The following HTR6 variants were observed in gnomAD, a reference collection of about 807,000 sequenced individuals.
The protein encoded by HTR6 is 5-hydroxytryptamine receptor 6.
HTR6 carries 15 observed loss-of-function variants against 17.4 expected under a neutral mutation model. The ratio of observed to expected loss-of-function variants is 0.86; its 90% CI spans 0.58 to 1.33. HTR6 has a LOEUF of 1.33. Among genes scored for constraint, HTR6 ranks in the 40% most tolerant of loss-of-function variants. HTR6 has a pLI of 0.00. For synonymous variants in HTR6, 326 were observed against 295.5 expected, an observed-to-expected ratio of 1.10 and a Z score of -1.06; for missense variants, 578 against 616.0, an observed-to-expected ratio of 0.94 and a Z score of 0.65.
In HTR6 at chr1:19,666,359, T is replaced by C; in HGVS notation, c.606T>C (p.Gly202=). The C allele has an allele frequency of 6.2e-7, 1 of 1,613,772 alleles. No homozygotes were observed. Among genetic ancestry groups the C allele is most frequent in the East Asian group, 2.2e-5 (1 of 44,836 alleles). The change falls in exon 1 of 3, where the codon GGT becomes GGC. Residue 202 remains glycine, a synonymous_variant. Transcript: ENST00000289753. This position sits in a 1 kb window ranked among gnomAD's most constrained non-coding sequence, Gnocchi z 4.5. ...ASGLTFFLPS[G]AICFTYCRIL... The stretch of plus-strand genomic sequence containing the variant: ...GCCTCACCTTCTTCCTGCCCTCGGG[T>C]GCCATATGCTTCACCTACTGCAGGA...
intron 1 of HTR6, among the ~76,000 whole-genome samples, chr1:19,676,011 C>T (rs1451415830): frequency 3.3e-5 from 5 of 152,180 alleles, no homozygotes; most frequent in African/African-American, 9.6e-5. Flanking sequence ...CTAGTCATAG[C>T]ATCTGAGCCG....
chr1:19,679,336 C>A lies in HTR6; in HGVS notation c.1291C>A (p.Arg431=), dbSNP rs551569410. ...CATCGACCCCGCGGAGCCCGAGCTG[C>A]GGCCGCATCCACTTGGCATCCCCAC... ...FNIDPAEPEL[R]PHPLGIPTN Residue 431 remains arginine, a synonymous_variant, in exon 3 of 3, where the codon CGG becomes AGG. Coordinates refer to ENST00000289753, the MANE Select transcript of HTR6 (RefSeq NM_000871.3). The surrounding 1 kb of genome is among the most constrained non-coding windows in gnomAD (Gnocchi z 4.9). 6.3e-7 allele frequency: 1 copy of A among 1,598,622 alleles called. No individual in the cohort carries two copies. Among genetic ancestry groups the A allele is most frequent in the South Asian group, 1.1e-5 (1 of 89,958 alleles).
rs986602932 is a variant in HTR6 at position 19,665,466 on chromosome 1, C to T, written c.-288C>T. ...TTCCCGCCGCTTCCTTCAGGGGCCT[C>T]GGCTCATCGGGTGCCCCTCCCCAAA... On this transcript the variant is annotated 5_prime_UTR_variant, in exon 1 of 3. Transcript: ENST00000289753. The surrounding 1 kb of genome is among the most constrained non-coding windows in gnomAD (Gnocchi z 4.2). 2 of 363,068 alleles carry T rather than the reference C, an allele frequency of 5.5e-6. No homozygotes were observed. 22.5% of individuals were successfully genotyped at this position (363,068 alleles called of 1,614,324 possible).
rs1445565241 is a variant in HTR6 at position 19,665,125 on chromosome 1, G to A, written c.-629G>A. On this transcript the variant is annotated 5_prime_UTR_variant, in exon 1 of 3. Coordinates refer to ENST00000289753, the MANE Select transcript of HTR6 (RefSeq NM_000871.3). This position sits in a 1 kb window ranked among gnomAD's most constrained non-coding sequence, Gnocchi z 4.2. ...CTGCCCTCCTCTTCCCGCGGGGCCTGGCGGCCCCGGCGAACCCCCGCGCCG... is the reference window on the plus strand; with the variant it reads ...CTGCCCTCCTCTTCCCGCGGGGCCTAGCGGCCCCGGCGAACCCCCGCGCCG... Among the ~76,000 whole-genome samples the A allele has an allele frequency of 6.6e-6, 1 of 151,664 alleles. No individual in the cohort carries two copies. Among genetic ancestry groups the A allele is most frequent in the Non-Finnish European group, 1.5e-5 (1 of 67,800 alleles).
intron 1 of HTR6, among the ~76,000 whole-genome samples, chr1:19,667,413 G>T (rs989548840): frequency 1.1e-4 from 16 of 150,754 alleles, no homozygotes; most frequent in East Asian, 3.9e-4. Context: ...TTTTTTTTTT[G>T]TTTTTGTTTT....
rs1033841027 is a variant in HTR6 at position 19,666,910 on chromosome 1, G to T, written c.714+443G>T. Among the ~76,000 whole-genome samples, 2 of 151,748 alleles carry T rather than the reference G, an allele frequency of 1.3e-5. No homozygotes were observed. The highest frequency in any genetic ancestry group is 4.2e-4 in the South Asian group (2 of 4,782). On this transcript the variant is annotated intron_variant, in intron 1 of 2. Coordinates refer to ENST00000289753, the MANE Select transcript of HTR6 (RefSeq NM_000871.3). The surrounding 1 kb of genome is among the most constrained non-coding windows in gnomAD (Gnocchi z 4.5). ...GGGGAGGCTGTGTAGACTTCTCCTGGCTCCCCTGCTTCTGCCGCAGACCCA... is the reference window on the plus strand; with the variant it reads ...GGGGAGGCTGTGTAGACTTCTCCTGTCTCCCCTGCTTCTGCCGCAGACCCA...
At chr1:19,670,046 G>A (rs1416414530) in intron 1 of HTR6, among the ~76,000 whole-genome samples, 2 of 152,074 alleles carry the variant, frequency 1.3e-5, no homozygotes, top group Non-Finnish European at 2.9e-5. Context: ...GCAGCCTTGT[G>A]TCTCACATCA....
rs745947620 is a variant in HTR6, at chr1:19,678,605, C to T, written c.753C>T (p.Asp251=). 7.4e-6 allele frequency: 12 copies of T among 1,612,986 alleles called. No individual in the cohort carries two copies. In the East Asian group the frequency reaches 2.7e-4, roughly 36 times the overall value. ...RTPRPGVESA[D]SRRLATKHSR... ...CACGCCCAGGGGTGGAGTCTGCTGA[C>T]AGCAGGCGTCTAGCCACGAAGCACA... The change falls in exon 2 of 3, where the codon GAC becomes GAT. Residue 251 remains aspartate (D), a synonymous_variant. Transcript: ENST00000289753.
intron 1 of HTR6, among the ~76,000 whole-genome samples, chr1:19,670,351 T>C (rs2095086623): frequency 6.6e-6 from 1 of 152,000 alleles, no homozygotes; most frequent in Non-Finnish European, 1.5e-5. Flanking sequence ...GTTATTTCTC[T>C]CAGCAGCACC....
chr1:19,666,464 G>A lies in HTR6; in HGVS notation c.711G>A (p.Leu237=), dbSNP rs1309670001. 2 of 1,604,172 alleles carry A rather than the reference G, an allele frequency of 1.2e-6. No homozygotes were observed. Among genetic ancestry groups the A allele is most frequent in the East Asian group, 2.2e-5 (1 of 44,710 alleles). The part of the protein sequence containing the change: ...TGMASQASET[L]QVPRTPRPGV... ...TGGCCAGTCAGGCCTCGGAGACGCTGCAGGTACCTGGGGTGCGCAGGGAGA... is the reference window on the plus strand; with the variant it reads ...TGGCCAGTCAGGCCTCGGAGACGCTACAGGTACCTGGGGTGCGCAGGGAGA... The change falls in exon 1 of 3, where the codon CTG becomes CTA. Residue 237 remains leucine, a synonymous_variant. Coordinates refer to ENST00000289753, the MANE Select transcript of HTR6 (RefSeq NM_000871.3). This position sits in a 1 kb window ranked among gnomAD's most constrained non-coding sequence, Gnocchi z 4.5.
In HTR6 at chr1:19,678,755, C is replaced by T. The variant is rs10917511; in HGVS notation, c.873+30C>T. 0.013 allele frequency: 20,898 copies of T among 1,592,464 alleles called. 2,196 individuals are homozygous for T. The African/African-American group carries it at 0.24, about 18-fold the overall frequency. On this transcript the variant is annotated intron_variant, in intron 2 of 2. Transcript: ENST00000289753. ...TGCCACGGCAGGGGGCAGGTGAGTC[C>T]GGCCCTTGCAGGAGAGGCCCTGGAT...
chr1:19,678,987 C>T lies in HTR6; in HGVS notation c.942C>T (p.Thr314=). 4 of 1,614,170 alleles carry T rather than the reference C, an allele frequency of 2.5e-6. No homozygotes were observed. Among genetic ancestry groups the T allele is most frequent in the Non-Finnish European group, 3.4e-6 (4 of 1,180,014 alleles). The change falls in exon 3 of 3, where the codon ACC becomes ACT. Residue 314 remains threonine, a synonymous_variant. Coordinates refer to ENST00000289753, the MANE Select transcript of HTR6 (RefSeq NM_000871.3). ...CATGGCTGGGTTACTGTAACAGCACCATGAACCCCATCATCTACCCACTCT... is the reference window on the plus strand; with the variant it reads ...CATGGCTGGGTTACTGTAACAGCACTATGAACCCCATCATCTACCCACTCT... ...VLTWLGYCNS[T]MNPIIYPLFM... is the part of the protein sequence containing the mutation.
In HTR6 at chr1:19,665,327, G is replaced by C. The variant is rs2095079837; in HGVS notation, c.-427G>C. On this transcript the variant is annotated 5_prime_UTR_variant, in exon 1 of 3. Transcript: ENST00000289753. The surrounding 1 kb of genome is among the most constrained non-coding windows in gnomAD (Gnocchi z 4.2). ...TCACCCCCCTCACCCACCTCCCCGCGTTCCCACTTCCCCGCACTCTGACCC... is the reference window on the plus strand; with the variant it reads ...TCACCCCCCTCACCCACCTCCCCGCCTTCCCACTTCCCCGCACTCTGACCC... 6.5e-6 allele frequency: 1 copy of C among 154,776 alleles called. No homozygotes were observed. The highest frequency in any genetic ancestry group is 1.9e-4 in the East Asian group (1 of 5,236). 9.6% of individuals were successfully genotyped at this position (154,776 alleles called of 1,614,324 possible).
rs2095080234 is a variant in HTR6 at position 19,665,547 on chromosome 1, G to A, written c.-207G>A. 1 of 463,150 alleles carries A rather than the reference G, an allele frequency of 2.2e-6. No individual in the cohort carries two copies. The highest frequency in any genetic ancestry group is 3.8e-6 in the Non-Finnish European group (1 of 265,440). 28.7% of individuals were successfully genotyped at this position (463,150 alleles called of 1,614,324 possible). The stretch of plus-strand genomic sequence containing the variant: ...CCCCATCCCCGAGGGCGCCCAAATA[G>A]CCACACTGTGTCCTCCTGTAGTCGC... On this transcript the variant is annotated 5_prime_UTR_variant, in exon 1 of 3. Transcript: ENST00000289753. This position sits in a 1 kb window ranked among gnomAD's most constrained non-coding sequence, Gnocchi z 4.2.
rs2095081488 is a variant in HTR6 at position 19,666,208 on chromosome 1, G to C, written c.455G>C (p.Ser152Thr). The change falls in exon 1 of 3, where the codon AGC (serine) becomes ACC (threonine). Residue 152 changes from serine to threonine, a missense_variant. Ser to Thr is a moderately conservative substitution (Grantham distance 58). Coordinates refer to ENST00000289753, the MANE Select transcript of HTR6 (RefSeq NM_000871.3). The surrounding 1 kb of genome is among the most constrained non-coding windows in gnomAD (Gnocchi z 4.5). ...RALALVLGAW[S>T]LAALASFLPL... The stretch of plus-strand genomic sequence containing the variant: ...CTGGCCCTAGTCCTGGGCGCCTGGA[G>C]CCTCGCCGCTCTCGCCTCCTTCCTG... The C allele has an allele frequency of 6.2e-7, 1 of 1,609,380 alleles. No homozygotes were observed. Among genetic ancestry groups the C allele is most frequent in the East Asian group, 2.2e-5 (1 of 44,882 alleles).
chr1:19,666,766 T>C lies in HTR6; in HGVS notation c.714+299T>C, dbSNP rs2095082190. Among the ~76,000 whole-genome samples the C allele has an allele frequency of 6.6e-6, 1 of 152,026 alleles. No individual in the cohort carries two copies. The highest frequency in any genetic ancestry group is 6.6e-5 in the Admixed American group (1 of 15,256). On this transcript the variant is annotated intron_variant, in intron 1 of 2. Transcript: ENST00000289753. The surrounding 1 kb of genome is among the most constrained non-coding windows in gnomAD (Gnocchi z 4.5). The stretch of plus-strand genomic sequence containing the variant: ...TTCCCCATCATGGCAAATGGCACCA[T>C]TGCGGCATCACATGCCAGGAACTTA...
At chr1:19,667,582 A>G (rs763922409) in intron 1 of HTR6, among the ~76,000 whole-genome samples, 5 of 152,044 alleles carry the variant, frequency 3.3e-5, no homozygotes, top group Non-Finnish European at 7.4e-5. Flanking sequence ...TACCAGGCTA[A>G]CTTTTGTATT....
chr1:19,680,468 G>C lies in HTR6; in HGVS notation c.*1100G>C, dbSNP rs2095100736. Among the ~76,000 whole-genome samples, 1 of 152,234 alleles carries C rather than the reference G, an allele frequency of 6.6e-6. No homozygotes were observed. Reference sequence around the variant, plus strand: ...CTGGGGGCAAAAGGGGCAGGTGGCAGTTTCTTTTTCAGCCTCAGAACTGGT... The same window carrying C: ...CTGGGGGCAAAAGGGGCAGGTGGCACTTTCTTTTTCAGCCTCAGAACTGGT... On this transcript the variant is annotated 3_prime_UTR_variant, in exon 3 of 3. Coordinates refer to ENST00000289753, the MANE Select transcript of HTR6 (RefSeq NM_000871.3).
rs561297042 is a variant in HTR6, at chr1:19,679,599, A to T, written c.*231A>T. 7 of 578,042 alleles carry T rather than the reference A, an allele frequency of 1.2e-5. No homozygotes were observed. In the South Asian group the frequency reaches 1.9e-4, roughly 16 times the overall value. The allele number at this position is 578,042 out of a possible 1,614,324, so 35.8% of individuals were successfully genotyped here. A position where few individuals can be genotyped will look rare whatever the true frequency, so the allele number is the denominator to read the frequency against. Reference sequence around the variant, plus strand: ...GAAGGATGCTCCACTGTTGAGTGTAACTTGTGTGTGCAGAGGATGGGCTGG... The same window carrying T: ...GAAGGATGCTCCACTGTTGAGTGTATCTTGTGTGTGCAGAGGATGGGCTGG... On this transcript the variant is annotated 3_prime_UTR_variant, in exon 3 of 3. Coordinates refer to ENST00000289753, the MANE Select transcript of HTR6 (RefSeq NM_000871.3). The surrounding 1 kb of genome is among the most constrained non-coding windows in gnomAD (Gnocchi z 4.9).
Sources: allele counts gnomAD v4.1 joint callset (sites outside exome capture counted in the v4.1 genomes callset), GRCh38; gene constraint gnomAD v4.1.1; non-coding constraint Gnocchi (gnomAD v3.1); transcripts MANE v1.5; gene names NCBI Gene and HGNC (gene_info 2026-07-23, HGNC 2026-07-21).